Variants in GLTP observed in about 807,000 individuals in gnomAD.
GLTP encodes glycolipid transfer protein.
In GLTP, 22 loss-of-function variants were observed where a neutral mutation model predicts 24.0. That is an observed-to-expected ratio of 0.92 (90% CI 0.65 to 1.31). GLTP has a LOEUF of 1.31. Ranked by LOEUF, GLTP falls within the 50% of genes most tolerant of loss-of-function variation. The probability of loss-of-function intolerance (pLI) is 0.00; values close to 1 mark genes in which losing one functional copy is unlikely to be tolerated. For synonymous variants in GLTP, 92 were observed against 115.9 expected (o/e 0.79, Z 1.33); for missense variants, 224 against 276.6 (o/e 0.81, Z 1.35).
Position 109,857,429 on chromosome 12 carries a change from G to T in GLTP, c.296+97C>A, listed in dbSNP as rs1892813351. 1 of 1,369,944 alleles carries T rather than the reference G, an allele frequency of 7.3e-7. No individual in the cohort carries two copies. Among genetic ancestry groups the T allele is most frequent in the Non-Finnish European group, 1.0e-6 (1 of 984,800 alleles). The allele number at this position is 1,369,944 out of a possible 1,614,324, so 84.9% of individuals were successfully genotyped here. ...CATCACACTGGAAGGGCTCGGAAGT[G>T]ACCTTCCCAGCCTGAGCTGACACTG... On this transcript the variant is annotated intron_variant, in intron 3 of 4. Coordinates refer to ENST00000318348, the MANE Select transcript of GLTP (RefSeq NM_016433.4). This position sits in a 1 kb window ranked among gnomAD's most constrained non-coding sequence, Gnocchi z 4.3.
At chr12:109,862,399 A>G (rs991089376) in intron 1 of GLTP, among the ~76,000 whole-genome samples, 2 of 152,122 alleles carry the variant, frequency 1.3e-5, no homozygotes, top group African/African-American at 4.8e-5. Context: ...TTCTCAACTT[A>G]CATAATAACG....
rs2136759415 is a variant in GLTP, at chr12:109,850,992, A to AT, written c.*1562dup. 1 of 152,778 alleles carries AT rather than the reference A, an allele frequency of 6.5e-6. No individual in the cohort carries two copies. The highest frequency in any genetic ancestry group is 1.5e-5 in the Non-Finnish European group (1 of 68,034). 9.5% of individuals were successfully genotyped at this position (152,778 alleles called of 1,614,324 possible). On this transcript the variant is annotated 3_prime_UTR_variant, in exon 5 of 5. Transcript: ENST00000318348. ...TTATTAAGGATTATTTAGTTTCTGC[A>AT]TAAAAATCTCCAATTGTTCCTCATT...
In GLTP at chr12:109,851,417, G is replaced by T. The variant is rs998381792; in HGVS notation, c.*1138C>A. ...AAACAAACAAAAAAATCTGTCTAGC[G>T]AGACAGAAAGAGCAGGGTTTACAAT... is the stretch of plus-strand genomic sequence containing the variant. On this transcript the variant is annotated 3_prime_UTR_variant, in exon 5 of 5. Coordinates refer to ENST00000318348, the MANE Select transcript of GLTP (RefSeq NM_016433.4). 1 of 152,110 alleles carries T rather than the reference G, an allele frequency of 6.6e-6. No individual in the cohort carries two copies. Among genetic ancestry groups the T allele is most frequent in the Admixed American group, 6.6e-5 (1 of 15,260 alleles). 9.4% of individuals were successfully genotyped at this position (152,110 alleles called of 1,614,324 possible).
rs1259808398 is a variant in GLTP at position 109,850,964 on chromosome 12, T to C, written c.*1591A>G. 1 of 152,632 alleles carries C rather than the reference T, an allele frequency of 6.6e-6. No individual in the cohort carries two copies. Among genetic ancestry groups the C allele is most frequent in the Non-Finnish European group, 1.5e-5 (1 of 68,038 alleles). The allele number at this position is 152,632 out of a possible 1,614,324, so 9.5% of individuals were successfully genotyped here. A position where few individuals can be genotyped will look rare whatever the true frequency, so the allele number is the denominator to read the frequency against. ...CAGATGTGATTCCAAAATAGAGATT[T>C]ATTTATTAAGGATTATTTAGTTTCT... On this transcript the variant is annotated 3_prime_UTR_variant, in exon 5 of 5. Coordinates refer to ENST00000318348, the MANE Select transcript of GLTP (RefSeq NM_016433.4).
At position 109,880,011 on chromosome 12, in the gene GLTP, T is replaced by C. The variant is rs1281419767; in HGVS notation, c.103+261A>G. 6.6e-6 allele frequency among the ~76,000 whole-genome samples: 1 copy of C among 151,394 alleles called. No homozygotes were observed. The highest frequency in any genetic ancestry group is 1.5e-5 in the Non-Finnish European group (1 of 67,840). Reference sequence around the variant, plus strand: ...GGATGATCAGGGGGCATTTGGGGGATATGTAGGACTGTGAGGTGTCTAGGG... The same window carrying C: ...GGATGATCAGGGGGCATTTGGGGGACATGTAGGACTGTGAGGTGTCTAGGG... On this transcript the variant is annotated intron_variant, in intron 1 of 4. Transcript: ENST00000318348. This position sits in a 1 kb window ranked among gnomAD's most constrained non-coding sequence, Gnocchi z 5.1.
chr12:109,858,871 G>A (rs1892836953), intron 1 of GLTP, 130 bp from the exon 2 acceptor site: 5 of 698,660 alleles, frequency 7.2e-6, no homozygotes, highest in Admixed American at 6.0e-5. Context: ...TGTTCTGGAT[G>A]TTACTAAGGC....
intron 1 of GLTP, among the ~76,000 whole-genome samples, chr12:109,859,506 G>A (rs1438407172): frequency 3.4e-5 from 5 of 147,308 alleles, no homozygotes; most frequent in South Asian, 2.2e-4. Flanking sequence ...GAAACAGAGC[G>A]AGACTCTGTC....
intron 3 of GLTP, among the ~76,000 whole-genome samples, chr12:109,856,932 G>C (rs964612529): frequency 6.6e-6 from 1 of 152,146 alleles, no homozygotes; most frequent in African/African-American, 2.4e-5. Flanking sequence ...TATTCAGGAG[G>C]CTGAGGCAGG....
intron 1 of GLTP, among the ~76,000 whole-genome samples, chr12:109,878,782 A>G (rs978229293): frequency 2.0e-5 from 3 of 152,214 alleles, no homozygotes; most frequent in Non-Finnish European, 2.9e-5. Flanking sequence ...TGTGCCAGGC[A>G]CTGTTCTGGG....
chr12:109,872,195 G>A (rs1868738855), intron 1 of GLTP, among the ~76,000 whole-genome samples: 1 of 152,256 alleles, frequency 6.6e-6, no homozygotes, highest in Non-Finnish European at 1.5e-5. Flanking sequence ...CTGGCTCTGT[G>A]CCCTGGCAGT....
intron 4 of GLTP, among the ~76,000 whole-genome samples, chr12:109,854,242 C>T (rs574190797): frequency 6.6e-6 from 1 of 151,760 alleles, no homozygotes; most frequent in South Asian, 2.1e-4. Flanking sequence ...CACCTGTAGT[C>T]CCAGCTACTC....
intron 1 of GLTP, among the ~76,000 whole-genome samples, chr12:109,864,942 G>A (rs1275996137): frequency 1.3e-5 from 2 of 152,210 alleles, no homozygotes; most frequent in East Asian, 1.9e-4. Flanking sequence ...TCCACCTCCC[G>A]GGTTCAAGTG....
intron 1 of GLTP, among the ~76,000 whole-genome samples, chr12:109,861,690 A>G (rs1173386166): frequency 6.6e-6 from 1 of 152,080 alleles, no homozygotes; most frequent in Non-Finnish European, 1.5e-5. Flanking sequence ...AGAGGTTGCA[A>G]TGAGCCGAGA....
intron 1 of GLTP, among the ~76,000 whole-genome samples, chr12:109,863,668 C>T (rs1868431928): frequency 6.6e-6 from 1 of 152,208 alleles, no homozygotes; most frequent in Admixed American, 6.5e-5. Context: ...GGCCTCAGTT[C>T]CCCTGTTTAT....
chr12:109,857,561 T>A lies in GLTP; in HGVS notation c.261A>T (p.Lys87Asn). Residue 87 changes from lysine to asparagine, a missense_variant, in exon 3 of 5, where the codon AAA becomes AAT. By Grantham distance (94) the Lys-to-Asn change is moderately conservative (BLOSUM62 0). Coordinates refer to ENST00000318348, the MANE Select transcript of GLTP (RefSeq NM_016433.4). This position sits in a 1 kb window ranked among gnomAD's most constrained non-coding sequence, Gnocchi z 4.3. ...EKEMYGAEWP[K>N]VGATLALMWL... ...ACATCAGCGCCAGTGTGGCCCCTAC[T>A]TTGGGCCACTCTGCTCCATACATTT... 1 of 1,613,948 alleles carries A rather than the reference T, an allele frequency of 6.2e-7. No individual in the cohort carries two copies. The highest frequency in any genetic ancestry group is 8.5e-7 in the Non-Finnish European group (1 of 1,180,002).
At chr12:109,875,231 T>C (rs1868846272) in intron 1 of GLTP, among the ~76,000 whole-genome samples, 1 of 151,788 alleles carries the variant, frequency 6.6e-6, no homozygotes, top group Non-Finnish European at 1.5e-5. Flanking sequence ...TCCATGGGAG[T>C]CTAAGAGAGT....
In GLTP at chr12:109,857,987, C is replaced by T. The variant is rs959606887; in HGVS notation, c.163-328G>A. On this transcript the variant is annotated intron_variant, in intron 2 of 4. Coordinates refer to ENST00000318348, the MANE Select transcript of GLTP (RefSeq NM_016433.4). The surrounding 1 kb of genome is among the most constrained non-coding windows in gnomAD (Gnocchi z 4.3). ...TGGTACAGAGTTCATGTTCTCCAGCCACTACTGACACTGCCTCAGACACCA... is the reference window on the plus strand; with the variant it reads ...TGGTACAGAGTTCATGTTCTCCAGCTACTACTGACACTGCCTCAGACACCA... The T allele has an allele frequency of 1.6e-5, 7 of 431,580 alleles. No homozygotes were observed. The highest frequency in any genetic ancestry group is 1.2e-4 in the African/African-American group (6 of 49,596). 26.7% of individuals were successfully genotyped at this position (431,580 alleles called of 1,614,324 possible). A position where few individuals can be genotyped will look rare whatever the true frequency, so the allele number is the denominator to read the frequency against.
chr12:109,869,495 C>T lies in GLTP; in HGVS notation c.104-10754G>A, dbSNP rs376166016. 1.3e-4 allele frequency among the ~76,000 whole-genome samples: 16 copies of T among 125,752 alleles called. No homozygotes were observed. In the South Asian group the frequency reaches 1.6e-3, roughly 12 times the overall value. 82.5% of individuals were successfully genotyped at this position (125,752 alleles called of 152,430 possible). On this transcript the variant is annotated intron_variant, in intron 1 of 4. Transcript: ENST00000318348. ...TTTTTGAGACGGAGTCTCACTCTGT[C>T]GCCAGGCTGGAGTGCAGTGGCCTGA...
intron 1 of GLTP, among the ~76,000 whole-genome samples, chr12:109,861,039 G>A (rs575838881): frequency 1.3e-5 from 2 of 152,198 alleles, no homozygotes; most frequent in Non-Finnish European, 2.9e-5. Flanking sequence ...AAAGACCCCA[G>A]AGCAGGCTAG....
Sources: gnomAD v4.1 joint callset for allele counts (sites outside exome capture counted in the v4.1 genomes callset) on GRCh38, gnomAD v4.1.1 for gene constraint, Gnocchi (gnomAD v3.1) non-coding constraint, MANE v1.5 for transcripts, NCBI Gene and HGNC (gene_info 2026-07-23, HGNC 2026-07-21) for gene names.